MON2: variants seen among roughly 807,000 people sequenced by gnomAD.
MON2 encodes protein MON2 homolog.
A neutral mutation model predicts 208.6 loss-of-function variants in MON2; 84 were observed. The ratio of observed to expected loss-of-function variants is 0.40; its 90% CI spans 0.34 to 0.48. The LOEUF (loss-of-function observed/expected upper bound fraction) is 0.48, where lower values mean the gene tolerates loss of function less well. Ranked by LOEUF, MON2 falls within the 20% of genes least tolerant of loss-of-function variation. The probability of loss-of-function intolerance (pLI) is 0.59; values close to 1 mark genes in which losing one functional copy is unlikely to be tolerated. For missense variants in MON2, 1,611 were observed against 2,015.4 expected, an observed-to-expected ratio of 0.80 and a Z score of 3.84; for synonymous variants, 660 against 694.0, an observed-to-expected ratio of 0.95 and a Z score of 0.77.
chr12:62,516,624 A>G (rs2071703771), intron 8 of MON2, among the ~76,000 whole-genome samples: 1 of 152,202 alleles, frequency 6.6e-6, no homozygotes, highest in African/African-American at 2.4e-5. Flanking sequence ...GAATCGCTTG[A>G]ACCCAGGAGG....
chr12:62,554,554 G>A (rs2073885506), intron 24 of MON2, among the ~76,000 whole-genome samples: 1 of 152,122 alleles, frequency 6.6e-6, no homozygotes, highest in East Asian at 1.9e-4. Flanking sequence ...GAGTGCAGCG[G>A]CCTGATCGTA....
intron 4 of MON2, among the ~76,000 whole-genome samples, chr12:62,497,849 C>G (rs2070611562): frequency 2.6e-5 from 4 of 152,178 alleles, no homozygotes; most frequent in African/African-American, 9.6e-5. Flanking sequence ...ATCCTGGCCT[C>G]AAGTGAACTG....
At chr12:62,576,965 AACACTAATAATATAGAAATATAC>A (rs2074813463) in intron 30 of MON2, among the ~76,000 whole-genome samples, 1 of 151,680 alleles carries the variant, frequency 6.6e-6, no homozygotes, top group Non-Finnish European at 1.5e-5. Flanking sequence ...TATTTCTATA[AACACTAATAATATAGAAATATAC>A]ACACTAATAA....
intron 32 of MON2, among the ~76,000 whole-genome samples, chr12:62,580,790 A>G (rs2136456414): frequency 6.6e-6 from 1 of 152,300 alleles, no homozygotes; most frequent in East Asian, 1.9e-4. Context: ...GAAGTCATAG[A>G]TTGGAAAGGA....
intron 31 of MON2, among the ~76,000 whole-genome samples, chr12:62,578,734 G>A (rs2074885256): frequency 6.6e-6 from 1 of 152,110 alleles, no homozygotes; most frequent in South Asian, 2.1e-4. Flanking sequence ...CCAATACTTA[G>A]TTGTGTTCAT....
chr12:62,519,932 C>A (rs1192179104), intron 8 of MON2, among the ~76,000 whole-genome samples: 1 of 152,258 alleles, frequency 6.6e-6, no homozygotes, highest in Non-Finnish European at 1.5e-5. Flanking sequence ...TCTCCTGCCT[C>A]AGCCTCTTGA....
At chr12:62,584,858 G>A (rs1001137493) in intron 32 of MON2, among the ~76,000 whole-genome samples, 2 of 151,862 alleles carry the variant, frequency 1.3e-5, no homozygotes, top group African/African-American at 2.4e-5. Flanking sequence ...CAGAGGTCAC[G>A]TTCCAGGAAA....
chr12:62,509,938 CT>C (rs1188521071), intron 8 of MON2, among the ~76,000 whole-genome samples: 1 of 150,142 alleles, frequency 6.7e-6, no homozygotes, highest in African/African-American at 2.4e-5. Flanking sequence ...AGAGAAAATA[CT>C]CAAATAACTA....
At chr12:62,581,233 G>A (rs1333434970) in intron 32 of MON2, among the ~76,000 whole-genome samples, 3 of 152,126 alleles carry the variant, frequency 2.0e-5, no homozygotes, top group African/African-American at 7.2e-5. Context: ...GTAAACCTGA[G>A]CTCAAGTCTT....
chr12:62,559,884 G>A (rs2074131593), intron 25 of MON2: 1 of 151,916 alleles, frequency 6.6e-6, no homozygotes, highest in Admixed American at 6.6e-5. Flanking sequence ...AAATATTTAG[G>A]CCAATAAAAA....
intron 1 of MON2, among the ~76,000 whole-genome samples, chr12:62,474,327 A>G (rs989448546): frequency 1.3e-5 from 2 of 151,960 alleles, no homozygotes; most frequent in East Asian, 1.9e-4. Flanking sequence ...CATGTTGGCC[A>G]GGCTGGTCTC....
At chr12:62,591,175 T>TGTATTCTGTTA (rs1312856739) in intron 34 of MON2, among the ~76,000 whole-genome samples, 1 of 152,202 alleles carries the variant, frequency 6.6e-6, no homozygotes, top group Non-Finnish European at 1.5e-5. Flanking sequence ...TAAAACTTCT[T>TGTATTCTGTTA]AGACAGTGGC....
chr12:62,469,267 G>GC (rs989765596), intron 1 of MON2, among the ~76,000 whole-genome samples: 3 of 152,042 alleles, frequency 2.0e-5, no homozygotes, highest in African/African-American at 7.2e-5. Context: ...GATCCCTTGA[G>GC]CCCAGGCGGT....
At chr12:62,513,771 C>A (rs2071542090) in intron 8 of MON2, among the ~76,000 whole-genome samples, 1 of 123,800 alleles carries the variant, frequency 8.1e-6, no homozygotes, top group Non-Finnish European at 1.9e-5. Flanking sequence ...ATGGTGAAAC[C>A]CCATCTCTAC....
intron 7 of MON2, among the ~76,000 whole-genome samples, chr12:62,505,976 A>C (rs957587689): frequency 4.6e-5 from 7 of 152,154 alleles, no homozygotes; most frequent in Admixed American, 4.6e-4. Context: ...TTGGCCACAG[A>C]GATCATGATG....
intron 2 of MON2, among the ~76,000 whole-genome samples, chr12:62,491,664 A>C (rs2070148975): frequency 6.6e-6 from 1 of 152,170 alleles, no homozygotes; most frequent in Admixed American, 6.5e-5. Context: ...CGGTATTTTC[A>C]AATTCTGGCT....
In MON2 at chr12:62,598,329, C is replaced by A. The variant is rs1402513380; in HGVS notation, c.*5580C>A. 4 of 152,126 alleles carry A rather than the reference C, an allele frequency of 2.6e-5. No individual in the cohort carries two copies. The highest frequency in any genetic ancestry group is 1.9e-4 in the East Asian group (1 of 5,196). 9.4% of individuals were successfully genotyped at this position (152,126 alleles called of 1,614,324 possible). A position where few individuals can be genotyped will look rare whatever the true frequency, so the allele number is the denominator to read the frequency against. On this transcript the variant is annotated 3_prime_UTR_variant, in exon 35 of 35. Coordinates refer to ENST00000393630, the MANE Select transcript of MON2 (RefSeq NM_015026.3). ...CTAAGTTTTATTTTAAACTAAAATTCAATAAACAGTGCAGCCAGGGAAGAT... is the reference window on the plus strand; with the variant it reads ...CTAAGTTTTATTTTAAACTAAAATTAAATAAACAGTGCAGCCAGGGAAGAT...
intron 8 of MON2, among the ~76,000 whole-genome samples, chr12:62,518,180 A>C (rs1158638751): frequency 6.6e-6 from 1 of 152,218 alleles, no homozygotes; most frequent in Non-Finnish European, 1.5e-5. Context: ...AATCCCATTC[A>C]TGAGGGTTTC....
chr12:62,571,503 C>A lies in MON2; in HGVS notation c.4435C>A (p.Gln1479Lys), dbSNP rs775119357. 8 of 1,613,914 alleles carry A rather than the reference C, an allele frequency of 5.0e-6. No homozygotes were observed. The South Asian group carries it at 8.8e-5, about 18-fold the overall frequency. The stretch of plus-strand genomic sequence containing the variant: ...TTCTATTGGGCTACCTGTTGCCCGG[C>A]AGCATGCTTCTTCTGGAAAATTTGA... ...VLSIGLPVAR[Q>K]HASSGKFDSM... is the part of the protein sequence containing the mutation. The change falls in exon 30 of 35, where the codon CAG (glutamine) becomes AAG (lysine). Residue 1479 changes from glutamine (Q) to lysine (K), a missense_variant. Transcript: ENST00000393630.
Sources: allele counts gnomAD v4.1 joint callset (sites outside exome capture counted in the v4.1 genomes callset), GRCh38; gene constraint gnomAD v4.1.1; transcripts MANE v1.5; gene names NCBI Gene and HGNC (gene_info 2026-07-23, HGNC 2026-07-21).